PMM2: variants seen among roughly 807,000 people sequenced by gnomAD.
PMM2 encodes the protein mannose-6-phosphate isomerase.
PMM2 carries 35 observed loss-of-function variants against 33.2 expected under a neutral mutation model. The ratio of observed to expected loss-of-function variants is 1.06; its 90% CI spans 0.81 to 1.40. The LOEUF (loss-of-function observed/expected upper bound fraction) is 1.40, where lower values mean the gene tolerates loss of function less well. Among genes scored for constraint, PMM2 ranks in the 40% most tolerant of loss-of-function variants. The pLI, the probability that PMM2 is intolerant of heterozygous loss-of-function variation, is 0.00. For synonymous variants in PMM2, 153 were observed against 114.7 expected (o/e 1.33, Z -2.13); for missense variants, 386 against 306.0 (o/e 1.26, Z -1.95).
At chr16:8,810,126 AAACATC>A (rs1596488313) in intron 4 of PMM2, 1 of 152,212 alleles carries the variant, frequency 6.6e-6, no homozygotes, top group East Asian at 1.9e-4. Context: ...GAACATCTTT[AAACATC>A]GTCATTTGAA....
At chr16:8,845,795 C>CTTTTTTTT (rs5815503) in intron 7 of PMM2, among the ~76,000 whole-genome samples, 1 of 140,020 alleles carries the variant, frequency 7.1e-6, no homozygotes. Flanking sequence ...TGAAAGAAAT[C>CTTTTTTTT]TTTTTTTTTT....
At chr16:8,844,045 C>G (rs984952802) in intron 7 of PMM2, among the ~76,000 whole-genome samples, 1 of 152,116 alleles carries the variant, frequency 6.6e-6, no homozygotes, top group Non-Finnish European at 1.5e-5. Flanking sequence ...CATCAGGCAC[C>G]TCAGACTGTT....
intron 1 of PMM2, among the ~76,000 whole-genome samples, chr16:8,801,283 A>G (rs972227128): frequency 1.2e-4 from 19 of 152,362 alleles, no homozygotes; most frequent in Middle Eastern, 6.8e-3. Flanking sequence ...AAAATTTGGT[A>G]AAAATAACAC....
At chr16:8,803,011 G>C (rs2060624818) in intron 2 of PMM2, among the ~76,000 whole-genome samples, 1 of 152,026 alleles carries the variant, frequency 6.6e-6, no homozygotes. Context: ...GTGCATTGTA[G>C]GGTCTTTAGC....
At position 8,811,200 on chromosome 16, in the gene PMM2, T is replaced by A. The variant is rs137862339; in HGVS notation, c.447+22T>A. 6.6e-3 allele frequency: 9,156 copies of A among 1,388,566 alleles called. 19 individuals carry two copies. The highest frequency in any genetic ancestry group is 7.7e-3 in the Non-Finnish European group (7,643 of 996,508). 86.0% of individuals were successfully genotyped at this position (1,388,566 alleles called of 1,614,324 possible). ...TAAAGTACGTCTTTCTGAAATATCT[T>A]TGGTGAATGGCTGGGTTTATGGAAA... On this transcript the variant is annotated intron_variant, in intron 5 of 7. Coordinates refer to ENST00000268261, the MANE Select transcript of PMM2 (RefSeq NM_000303.3).
At chr16:8,808,715 G>C (rs953502564) in intron 4 of PMM2, 3 of 151,968 alleles carry the variant, frequency 2.0e-5, no homozygotes, top group East Asian at 1.9e-4. Context: ...GTCCTTGAGT[G>C]GGGGGGCATT....
At chr16:8,801,751 G>A (rs752917270) in intron 1 of PMM2, 48 bp from the exon 2 acceptor site, 3 of 1,179,454 alleles carry the variant, frequency 2.5e-6, no homozygotes, top group Non-Finnish European at 3.8e-6. Context: ...TTGGTCTCCT[G>A]ATTATTGTGT....
chr16:8,807,236 A>G (rs1374030039), intron 4 of PMM2, among the ~76,000 whole-genome samples: 4 of 150,686 alleles, frequency 2.7e-5, no homozygotes, highest in Admixed American at 2.6e-4. Context: ...CGAACTCCCA[A>G]CCTCAACTGA....
At chr16:8,832,318 C>G in intron 7 of PMM2, 1 of 985,438 alleles carries the variant, frequency 1.0e-6, no homozygotes. Flanking sequence ...TGAGAAGCAA[C>G]CCAGAGAGGC....
intron 7 of PMM2, among the ~76,000 whole-genome samples, chr16:8,838,770 C>T (rs551559939): frequency 3.0e-4 from 45 of 151,878 alleles, no homozygotes; most frequent in East Asian, 5.8e-4. Flanking sequence ...TTAGAGAGTG[C>T]GTAAGGGGGT....
chr16:8,834,280 G>GC, intron 7 of PMM2, among the ~76,000 whole-genome samples: 1 of 152,144 alleles, frequency 6.6e-6, no homozygotes, highest in Non-Finnish European at 1.5e-5. Context: ...ATTGAGGACT[G>GC]TAAGGGATAT....
rs535562475 is a variant in PMM2, at chr16:8,834,244, T to A, written c.640-13480T>A. 1.4e-4 allele frequency among the ~76,000 whole-genome samples: 22 copies of A among 152,282 alleles called. No homozygotes were observed. The East Asian group carries it at 3.7e-3, about 25-fold the overall frequency. Reference sequence around the variant, plus strand: ...TGGTGAGGTGTGTTTTTAAAAGACCTTTAGTCCATTCTACCTTTCCTGAAG... The same window carrying A: ...TGGTGAGGTGTGTTTTTAAAAGACCATTAGTCCATTCTACCTTTCCTGAAG... On this transcript the variant is annotated intron_variant, in intron 7 of 7. Transcript: ENST00000268261.
At chr16:8,820,589 A>T (rs1413896409) in intron 7 of PMM2, among the ~76,000 whole-genome samples, 1 of 152,074 alleles carries the variant, frequency 6.6e-6, no homozygotes, top group Non-Finnish European at 1.5e-5. Context: ...CCTAACCTCA[A>T]GTGATCCGCC....
At chr16:8,805,365 G>A (rs1367727906) in intron 3 of PMM2, among the ~76,000 whole-genome samples, 9 of 152,030 alleles carry the variant, frequency 5.9e-5, no homozygotes, top group African/African-American at 2.2e-4. Context: ...ACCACACCCA[G>A]CCTTTTCTTC....
In PMM2 at chr16:8,837,977, C is replaced by T. The variant is rs190997832; in HGVS notation, c.640-9747C>T. Among the ~76,000 whole-genome samples, 27 of 152,178 alleles carry T rather than the reference C, an allele frequency of 1.8e-4. 1 individual carries two copies. Among genetic ancestry groups the T allele is most frequent in the Admixed American group, 3.3e-4 (5 of 15,286 alleles). Reference sequence around the variant, plus strand: ...AAGGGAGAGATTGAAGTGTTTCATGCGCGTCCGTGTGAAGAGACCACCAAA... The same window carrying T: ...AAGGGAGAGATTGAAGTGTTTCATGTGCGTCCGTGTGAAGAGACCACCAAA... On this transcript the variant is annotated intron_variant, in intron 7 of 7. Coordinates refer to ENST00000268261, the MANE Select transcript of PMM2 (RefSeq NM_000303.3).
chr16:8,817,005 A>G (rs1324227848), intron 7 of PMM2, among the ~76,000 whole-genome samples: 2 of 152,218 alleles, frequency 1.3e-5, no homozygotes, highest in Non-Finnish European at 2.9e-5. Context: ...GCTGTACTCC[A>G]ACTCCTGAGT....
intron 7 of PMM2, among the ~76,000 whole-genome samples, chr16:8,813,744 T>G (rs1215709777): frequency 6.6e-6 from 1 of 151,794 alleles, no homozygotes; most frequent in African/African-American, 2.4e-5. Context: ...CCCCCAGGTG[T>G]CCTCTCCGTG....
intron 7 of PMM2, among the ~76,000 whole-genome samples, chr16:8,819,446 G>A (rs1013508217): frequency 4.6e-4 from 70 of 152,228 alleles, no homozygotes; most frequent in African/African-American, 1.6e-3. Context: ...GGGGTGGGGA[G>A]GACAGGAGAG....
chr16:8,848,065 C>T lies in PMM2; in HGVS notation c.*240C>T. On this transcript the variant is annotated 3_prime_UTR_variant, in exon 8 of 8. Coordinates refer to ENST00000268261, the MANE Select transcript of PMM2 (RefSeq NM_000303.3). The stretch of plus-strand genomic sequence containing the variant: ...CCTCGCACAAAAGGTCTTCCCCACC[C>T]ACCCCCAGCCCCCTAGTCTAATACC... The T allele has an allele frequency of 1.9e-6, 1 of 535,526 alleles. No homozygotes were observed. Among genetic ancestry groups the T allele is most frequent in the Non-Finnish European group, 3.4e-6 (1 of 294,904 alleles). 33.2% of individuals were successfully genotyped at this position (535,526 alleles called of 1,614,324 possible).
Sources: gnomAD v4.1 joint callset for allele counts (sites outside exome capture counted in the v4.1 genomes callset) on GRCh38, gnomAD v4.1.1 for gene constraint, MANE v1.5 for transcripts, NCBI Gene and HGNC (gene_info 2026-07-23, HGNC 2026-07-21) for gene names.